Variants in ATP9B observed in about 807,000 individuals in gnomAD.
ATP9B encodes the protein probable phospholipid-transporting ATPase IIB.
In ATP9B, 110 loss-of-function variants were observed where a neutral mutation model predicts 146.1. The observed-to-expected ratio is 0.75, with a 90% CI of 0.65 to 0.88. The LOEUF (loss-of-function observed/expected upper bound fraction) is 0.88, where lower values mean the gene tolerates loss of function less well. Ranked by LOEUF, ATP9B falls within the 40% of genes least tolerant of loss-of-function variation. The pLI, the probability that ATP9B is intolerant of heterozygous loss-of-function variation, is 0.00. For synonymous variants in ATP9B, 604 were observed against 569.7 expected, an observed-to-expected ratio of 1.06 and a Z score of -0.86; for missense variants, 1,499 against 1,496.4, an observed-to-expected ratio of 1.00 and a Z score of -0.03.
At position 79,222,747 on chromosome 18, in the gene ATP9B, T is replaced by G. The variant is rs377745882; in HGVS notation, c.1107+8709T>G. Reference sequence around the variant, plus strand: ...GGAGTCTACTCAAAGTTTGAAAATTTTAAGACTAAACAAAAGTTTTTATTA... The same window carrying G: ...GGAGTCTACTCAAAGTTTGAAAATTGTAAGACTAAACAAAAGTTTTTATTA... On this transcript the variant is annotated intron_variant, in intron 11 of 29. Coordinates refer to ENST00000426216, the MANE Select transcript of ATP9B (RefSeq NM_198531.5). Among the ~76,000 whole-genome samples, 366 of 152,258 alleles carry G rather than the reference T, an allele frequency of 2.4e-3. 2 individuals are homozygous for G. The highest frequency in any genetic ancestry group is 6.4e-3 in the South Asian group (31 of 4,808).
At chr18:79,141,700 C>A (rs1406213971) in intron 5 of ATP9B, among the ~76,000 whole-genome samples, 1 of 152,174 alleles carries the variant, frequency 6.6e-6, no homozygotes, top group Non-Finnish European at 1.5e-5. Flanking sequence ...TATATGTGCC[C>A]AGTGACTCTT....
chr18:79,328,831 G>C (rs559942901), intron 15 of ATP9B, among the ~76,000 whole-genome samples: 1 of 152,108 alleles, frequency 6.6e-6, no homozygotes, highest in African/African-American at 2.4e-5. Flanking sequence ...GGTGAGCTGC[G>C]TTCTCAATTT....
chr18:79,196,665 A>G (rs1200032626), intron 9 of ATP9B, among the ~76,000 whole-genome samples: 1 of 152,234 alleles, frequency 6.6e-6, no homozygotes, highest in East Asian at 1.9e-4. Flanking sequence ...TAAAAATTAG[A>G]CAACAGTTGA....
At chr18:79,191,078 A>G (rs1422731065) in intron 8 of ATP9B, among the ~76,000 whole-genome samples, 3 of 152,108 alleles carry the variant, frequency 2.0e-5, no homozygotes, top group Admixed American at 1.3e-4. Flanking sequence ...TTCTTAAAGA[A>G]TATTTTTGCT....
intron 14 of ATP9B, among the ~76,000 whole-genome samples, chr18:79,304,968 A>G (rs1421344618): frequency 6.6e-6 from 1 of 152,212 alleles, no homozygotes; most frequent in African/African-American, 2.4e-5. Context: ...AAAATTGTAC[A>G]TAGCTCACCC....
At chr18:79,346,704 C>T (rs906955438) in intron 23 of ATP9B, among the ~76,000 whole-genome samples, 15 of 152,138 alleles carry the variant, frequency 9.9e-5, no homozygotes, top group African/African-American at 3.1e-4. Context: ...GGTCAGCGCA[C>T]GTCAGCACGT....
intron 15 of ATP9B, among the ~76,000 whole-genome samples, chr18:79,328,496 T>C (rs1017599392): frequency 6.6e-6 from 1 of 152,144 alleles, no homozygotes; most frequent in Non-Finnish European, 1.5e-5. Flanking sequence ...CTCAAAGCAA[T>C]TTGGAAGGCC....
chr18:79,185,755 A>G (rs2095302225), intron 8 of ATP9B, among the ~76,000 whole-genome samples: 1 of 152,158 alleles, frequency 6.6e-6, no homozygotes, highest in Non-Finnish European at 1.5e-5. Flanking sequence ...TCATTCTGAC[A>G]TTCGTGTCTC....
chr18:79,078,501 C>G (rs1327063442), intron 1 of ATP9B, among the ~76,000 whole-genome samples: 2 of 152,138 alleles, frequency 1.3e-5, no homozygotes, highest in Admixed American at 6.5e-5. Context: ...TCTACTCCAT[C>G]TTGGTCTAGA....
chr18:79,226,289 G>A (rs764681934), intron 11 of ATP9B, among the ~76,000 whole-genome samples: 7 of 152,200 alleles, frequency 4.6e-5, no homozygotes, highest in Non-Finnish European at 8.8e-5. Flanking sequence ...TGTGTTCCAC[G>A]GGTGCTTTGC....
At chr18:79,196,949 G>T (rs1168185328) in intron 9 of ATP9B, among the ~76,000 whole-genome samples, 4 of 152,178 alleles carry the variant, frequency 2.6e-5, no homozygotes, top group African/African-American at 9.7e-5. Flanking sequence ...AAAGGTAGGA[G>T]AGGCATAGAA....
chr18:79,095,596 A>G (rs1599498932), intron 1 of ATP9B: 1 of 152,210 alleles, frequency 6.6e-6, no homozygotes, highest in Non-Finnish European at 1.5e-5. Context: ...GAGAATGTTA[A>G]AAAAGATTTC....
chr18:79,223,375 T>C (rs2148506217), intron 11 of ATP9B, among the ~76,000 whole-genome samples: 1 of 152,320 alleles, frequency 6.6e-6, no homozygotes, highest in East Asian at 1.9e-4. Flanking sequence ...AATCATAGAA[T>C]GCCTTAATTT....
chr18:79,368,029 G>A lies in ATP9B; in HGVS notation c.3013-4796G>A, dbSNP rs943736608. ...CCACACCATTTCTCTGCCACGGTGC[G>A]TGTCTGTGTCTCCATGGAGTGTCGC... On this transcript the variant is annotated intron_variant, in intron 26 of 29. Transcript: ENST00000426216. 2.9e-4 allele frequency among the ~76,000 whole-genome samples: 44 copies of A among 152,302 alleles called. 1 individual carries two copies. Among genetic ancestry groups the A allele is most frequent in the Admixed American group, 2.2e-3 (33 of 15,308 alleles).
chr18:79,259,080 TAAGA>T (rs2096114121), intron 12 of ATP9B, among the ~76,000 whole-genome samples: 1 of 152,214 alleles, frequency 6.6e-6, no homozygotes, highest in South Asian at 2.1e-4. Context: ...TTTTCAAATT[TAAGA>T]AAGTTAAGCT....
intron 19 of ATP9B, chr18:79,340,359 A>G (rs1276314174): frequency 6.6e-6 from 1 of 152,166 alleles, no homozygotes; most frequent in Non-Finnish European, 1.5e-5. Context: ...GCGGGACCTC[A>G]CTGCGTTTCC....
At chr18:79,294,392 G>A (rs1487021652) in intron 13 of ATP9B, among the ~76,000 whole-genome samples, 4 of 152,224 alleles carry the variant, frequency 2.6e-5, no homozygotes, top group South Asian at 4.1e-4. Flanking sequence ...CGCTCCCTGC[G>A]CTGCAGCAGT....
At chr18:79,201,208 T>C (rs186102768) in intron 9 of ATP9B, among the ~76,000 whole-genome samples, 1 of 152,352 alleles carries the variant, frequency 6.6e-6, no homozygotes, top group East Asian at 1.9e-4. Flanking sequence ...TCATTTTAGA[T>C]ATATCCATTC....
At chr18:79,273,112 A>G (rs1485066074) in intron 12 of ATP9B, among the ~76,000 whole-genome samples, 1 of 152,254 alleles carries the variant, frequency 6.6e-6, no homozygotes, top group Non-Finnish European at 1.5e-5. Context: ...GAGGAAGAGT[A>G]CATGTGCGTG....
Sources: allele counts gnomAD v4.1 joint callset (sites outside exome capture counted in the v4.1 genomes callset), GRCh38; gene constraint gnomAD v4.1.1; transcripts MANE v1.5; gene names NCBI Gene and HGNC (gene_info 2026-07-23, HGNC 2026-07-21).